DDX60: variants seen among roughly 807,000 people sequenced by gnomAD.
DDX60 encodes probable ATP-dependent RNA helicase DDX60.
In DDX60, 165 loss-of-function variants were observed where a neutral mutation model predicts 212.8. The ratio of observed to expected loss-of-function variants is 0.78; its 90% CI spans 0.68 to 0.88. The LOEUF (loss-of-function observed/expected upper bound fraction) is 0.88, where lower values mean the gene tolerates loss of function less well. DDX60 is among the 40% of genes least tolerant of loss of function. The pLI is 0.00. For missense variants in DDX60, 1,905 were observed against 2,003.9 expected (o/e 0.95, Z 0.94); for synonymous variants, 703 against 685.3 (o/e 1.03, Z -0.40).
chr4:168,255,655 G>T (rs997183179), intron 26 of DDX60, 56 bp downstream of exon 26: 26 of 1,405,922 alleles, frequency 1.8e-5, no homozygotes, highest in Non-Finnish European at 2.4e-5. Flanking sequence ...TTTCCTACTA[G>T]GACTTGGGGA....
chr4:168,315,607 T>TGTCC (rs1737333198), intron 1 of DDX60, among the ~76,000 whole-genome samples: 1 of 152,186 alleles, frequency 6.6e-6, no homozygotes, highest in Non-Finnish European at 1.5e-5. Context: ...CCCCAGTGTG[T>TGTCC]GAGGTTCCCC....
intron 34 of DDX60, among the ~76,000 whole-genome samples, chr4:168,224,839 C>T (rs72971446): frequency 0.028 from 4,254 of 151,996 alleles, 166 homozygotes; most frequent in African/African-American, 0.093. Context: ...ATCAGACATT[C>T]AAACTGGGCT....
At chr4:168,312,597 G>A (rs1737181968) in intron 1 of DDX60, among the ~76,000 whole-genome samples, 2 of 152,086 alleles carry the variant, frequency 1.3e-5, no homozygotes, top group African/African-American at 4.8e-5. Flanking sequence ...TTTTGTCATG[G>A]ACACTAAATA....
chr4:168,262,690 C>G lies in DDX60; in HGVS notation c.3137G>C (p.Arg1046Pro). The change falls in exon 23 of 38, where the codon CGG (arginine) becomes CCG (proline). Residue 1046 changes from arginine (R) to proline (P), a missense_variant. By Grantham distance (103) the Arg-to-Pro change is moderately radical (BLOSUM62 -2). Coordinates refer to ENST00000393743, the MANE Select transcript of DDX60 (RefSeq NM_017631.6). ...AMFQIWKSWP[R>P]AQELCPENFI... ...TACATCATTATTATTTACCTGGGCC[C>G]GAGGCCAACTTTTCCAAATTTGAAA... The G allele has an allele frequency of 1.2e-6, 2 of 1,606,950 alleles. No individual in the cohort carries two copies. The highest frequency in any genetic ancestry group is 1.3e-5 in the African/African-American group (1 of 74,770).
intron 6 of DDX60, among the ~76,000 whole-genome samples, chr4:168,295,821 A>C (rs938849934): frequency 6.6e-6 from 1 of 152,228 alleles, no homozygotes; most frequent in Non-Finnish European, 1.5e-5. Flanking sequence ...AATACTATTG[A>C]GCATTTAAAA....
At chr4:168,281,061 AC>A in intron 13 of DDX60, among the ~76,000 whole-genome samples, 1 of 152,220 alleles carries the variant, frequency 6.6e-6, no homozygotes, top group Middle Eastern at 3.4e-3. Flanking sequence ...AATCCCTTGA[AC>A]CTGGGAGGCA....
In DDX60 at chr4:168,251,667, T is replaced by G. The variant is rs545100452; in HGVS notation, c.3706-561A>C. ...AGCAAAAGGCTGGTTAGTGGTTACT[T>G]CAATTATGTATTCACTCACACAACA... On this transcript the variant is annotated intron_variant, in intron 27 of 37. Coordinates refer to ENST00000393743, the MANE Select transcript of DDX60 (RefSeq NM_017631.6). Among the ~76,000 whole-genome samples the G allele has an allele frequency of 6.6e-4, 101 of 152,188 alleles. 1 individual carries two copies. Among genetic ancestry groups the G allele is most frequent in the African/African-American group, 2.3e-3 (95 of 41,526 alleles).
chr4:168,323,886 C>G, the DDX60 span, among the ~76,000 whole-genome samples: 1 of 152,222 alleles, frequency 6.6e-6, no homozygotes, highest in Non-Finnish European at 1.5e-5. Flanking sequence ...GTTCCATCCT[C>G]TTTCAGAGAC....
intron 10 of DDX60, 92 bp downstream of exon 10, chr4:168,286,956 T>C: frequency 1.1e-6 from 1 of 947,978 alleles, no homozygotes; most frequent in South Asian, 2.2e-5. Flanking sequence ...GCCAGAAAAT[T>C]ATTTATACTT....
chr4:168,303,765 T>C (rs1579077497), intron 5 of DDX60, among the ~76,000 whole-genome samples: 1 of 152,210 alleles, frequency 6.6e-6, no homozygotes, highest in East Asian at 1.9e-4. Flanking sequence ...GGGCAGATCA[T>C]GAGGTCAGGA....
intron 6 of DDX60, among the ~76,000 whole-genome samples, chr4:168,297,852 C>T (rs758477184): frequency 2.3e-4 from 35 of 151,994 alleles, no homozygotes; most frequent in Admixed American, 2.0e-4. Context: ...GATCGTGTCA[C>T]TGCACTCTAG....
intron 25 of DDX60, among the ~76,000 whole-genome samples, chr4:168,259,834 C>T (rs899511841): frequency 3.3e-5 from 5 of 151,546 alleles, no homozygotes; most frequent in Non-Finnish European, 7.4e-5. Flanking sequence ...GTTCTCATTA[C>T]TATAAATTAA....
chr4:168,231,058 C>T (rs1733433959), intron 33 of DDX60, among the ~76,000 whole-genome samples: 1 of 151,640 alleles, frequency 6.6e-6, no homozygotes, highest in Non-Finnish European at 1.5e-5. Context: ...AAAAATTATT[C>T]AAGGCTACTA....
At chr4:168,274,873 A>G (rs1735263718) in intron 16 of DDX60, among the ~76,000 whole-genome samples, 1 of 152,192 alleles carries the variant, frequency 6.6e-6, no homozygotes, top group Non-Finnish European at 1.5e-5. Flanking sequence ...TGTATGTAGA[A>G]ATGCATCCTT....
chr4:168,254,463 T>G (rs78970268), intron 26 of DDX60, among the ~76,000 whole-genome samples: 3,395 of 152,204 alleles, frequency 0.022, 209 homozygotes, highest in East Asian at 0.15. Context: ...TTGGAAAACC[T>G]AAATCAGAAA....
At chr4:168,271,388 G>T (rs1388571710) in intron 19 of DDX60, among the ~76,000 whole-genome samples, 2 of 152,190 alleles carry the variant, frequency 1.3e-5, no homozygotes, top group African/African-American at 4.8e-5. Flanking sequence ...GAAGAAGTGG[G>T]GAGACTGAGG....
intron 32 of DDX60, among the ~76,000 whole-genome samples, chr4:168,236,970 A>G (rs1733650835): frequency 1.3e-5 from 2 of 151,266 alleles, no homozygotes; most frequent in African/African-American, 4.8e-5. Context: ...TGATGAATAT[A>G]TATTATATTT....
chr4:168,282,500 C>T (rs1735638327), intron 13 of DDX60, among the ~76,000 whole-genome samples: 1 of 152,118 alleles, frequency 6.6e-6, no homozygotes, highest in Admixed American at 6.5e-5. Flanking sequence ...CTGATAACTT[C>T]ACCACGTTTA....
chr4:168,253,542 A>C (rs570078051), intron 26 of DDX60, among the ~76,000 whole-genome samples: 2 of 152,286 alleles, frequency 1.3e-5, no homozygotes, highest in Non-Finnish European at 2.9e-5. Context: ...CCCACACCCA[A>C]TGTCTGAGTG....
Sources: allele counts gnomAD v4.1 joint callset (sites outside exome capture counted in the v4.1 genomes callset), GRCh38; gene constraint gnomAD v4.1.1; transcripts MANE v1.5; gene names NCBI Gene and HGNC (gene_info 2026-07-23, HGNC 2026-07-21).